The following FRMD3 variants were observed in gnomAD, a reference collection of about 807,000 sequenced individuals.
The protein encoded by FRMD3 is FERM domain containing 3, also known as FERM domain-containing protein 3.
A neutral mutation model predicts 70.2 loss-of-function variants in FRMD3; 33 were observed. That is an observed-to-expected ratio of 0.47 (90% CI 0.36 to 0.63). The LOEUF (loss-of-function observed/expected upper bound fraction) is 0.63. Among genes scored for constraint, FRMD3 ranks in the 20% least tolerant of loss-of-function variants. FRMD3 has a pLI of 0.00. For missense variants in FRMD3, 632 were observed against 711.4 expected (o/e 0.89, Z 1.27); for synonymous variants, 279 against 255.9 (o/e 1.09, Z -0.86).
chr9:83,294,452 G>C (rs567705952), intron 12 of FRMD3, among the ~76,000 whole-genome samples: 7 of 152,268 alleles, frequency 4.6e-5, no homozygotes, highest in Admixed American at 1.3e-4. Context: ...ACTTTTTAAA[G>C]GTGCCAACTG....
At chr9:83,294,015 G>A (rs961559707) in intron 12 of FRMD3, among the ~76,000 whole-genome samples, 1 of 152,134 alleles carries the variant, frequency 6.6e-6, no homozygotes, top group Non-Finnish European at 1.5e-5. Flanking sequence ...AACAGGCCAA[G>A]TCTCCCACCT....
intron 10 of FRMD3, 140 bp from the exon 11 acceptor site, chr9:83,299,326 C>T: frequency 3.4e-6 from 2 of 589,898 alleles, no homozygotes; most frequent in Non-Finnish European, 6.0e-6. Flanking sequence ...ATTGTGCACA[C>T]AAAATATAAG....
At chr9:83,342,655 C>T (rs569056147) in intron 5 of FRMD3, among the ~76,000 whole-genome samples, 20 of 151,308 alleles carry the variant, frequency 1.3e-4, no homozygotes, top group African/African-American at 3.4e-4. Context: ...CATACACACA[C>T]GAATAGATAG....
chr9:83,405,186 C>T (rs1248400651), intron 1 of FRMD3, among the ~76,000 whole-genome samples: 2 of 152,204 alleles, frequency 1.3e-5, no homozygotes, highest in Admixed American at 6.5e-5. Context: ...AGTCCCCTGC[C>T]TCTGCCAACT....
At chr9:83,389,556 G>T in intron 2 of FRMD3, 48 bp downstream of exon 2, 2 of 1,253,682 alleles carry the variant, frequency 1.6e-6, no homozygotes, top group Non-Finnish European at 2.3e-6. Context: ...GTGCACCACA[G>T]TCTGGGTCAC....
At chr9:83,322,545 G>A (rs1328961648) in intron 6 of FRMD3, among the ~76,000 whole-genome samples, 5 of 152,118 alleles carry the variant, frequency 3.3e-5, no homozygotes, top group Non-Finnish European at 7.4e-5. Flanking sequence ...CAGTATCTAG[G>A]CTCTCAAAAT....
intron 13 of FRMD3, among the ~76,000 whole-genome samples, chr9:83,250,488 A>T (rs1832352973): frequency 6.6e-6 from 1 of 152,120 alleles, no homozygotes; most frequent in Non-Finnish European, 1.5e-5. Context: ...GAATCCAGGG[A>T]CCCAGGTAGC....
chr9:83,494,125 T>G (rs1828888916), intron 1 of FRMD3, among the ~76,000 whole-genome samples: 1 of 152,186 alleles, frequency 6.6e-6, no homozygotes, highest in African/African-American at 2.4e-5. Flanking sequence ...GAAATGGGTG[T>G]GACAGTCAGC....
chr9:83,335,662 G>C (rs1823553278), intron 5 of FRMD3, 23 bp from the exon 6 acceptor site: 3 of 1,605,020 alleles, frequency 1.9e-6, no homozygotes, highest in South Asian at 2.2e-5. Flanking sequence ...AAAAAATAAA[G>C]AGACAGAGAA....
intron 1 of FRMD3, among the ~76,000 whole-genome samples, chr9:83,447,062 C>A (rs998851423): frequency 6.6e-6 from 1 of 152,048 alleles, no homozygotes; most frequent in African/African-American, 2.4e-5. Flanking sequence ...CTTGCCTTGT[C>A]ACCCAGGCTG....
chr9:83,247,191 G>T lies in FRMD3; in HGVS notation c.*727C>A. ...TCTACATCCTCCAGTTCCATCCTCT[G>T]TTTTAGCAGCTTACTTACTATAGTG... On this transcript the variant is annotated 3_prime_UTR_variant, in exon 14 of 14. Transcript: ENST00000304195. 1 of 985,250 alleles carries T rather than the reference G, an allele frequency of 1.0e-6. No individual in the cohort carries two copies. The highest frequency in any genetic ancestry group is 6.1e-5 in the Admixed American group (1 of 16,262). The allele number at this position is 985,250 out of a possible 1,614,324, so 61.0% of individuals were successfully genotyped here.
intron 12 of FRMD3, among the ~76,000 whole-genome samples, chr9:83,294,478 A>C (rs1834575723): frequency 6.6e-6 from 1 of 152,218 alleles, no homozygotes; most frequent in African/African-American, 2.4e-5. Context: ...GGCTTCATTT[A>C]AAGCAAGAGC....
chr9:83,263,673 A>G (rs1485726565), intron 13 of FRMD3, among the ~76,000 whole-genome samples: 1 of 152,222 alleles, frequency 6.6e-6, no homozygotes, highest in Non-Finnish European at 1.5e-5. Context: ...TACATAGAAA[A>G]GAGATGAAAA....
At chr9:83,428,437 T>G (rs11140084) in intron 1 of FRMD3, among the ~76,000 whole-genome samples, 1 of 151,626 alleles carries the variant, frequency 6.6e-6, no homozygotes, top group African/African-American at 2.4e-5. Flanking sequence ...CTGGAAACAA[T>G]TCACACATCC....
In FRMD3 at chr9:83,311,882, C is replaced by T; in HGVS notation, c.773+5G>A. 1.1e-5 allele frequency: 18 copies of T among 1,590,260 alleles called. No individual in the cohort carries two copies. Among genetic ancestry groups the T allele is most frequent in the Non-Finnish European group, 1.5e-5 (18 of 1,162,056 alleles). On this transcript the variant is annotated splice_donor_5th_base_variant and intron_variant, in intron 8 of 13. Transcript: ENST00000304195. ...GGAAAGCCAGTTTTCCAAAGAGGCACTTACCATTTTATCAAATGGATTCTC... is the reference window on the plus strand; with the variant it reads ...GGAAAGCCAGTTTTCCAAAGAGGCATTTACCATTTTATCAAATGGATTCTC...
chr9:83,332,608 G>A (rs762531426), intron 6 of FRMD3, among the ~76,000 whole-genome samples: 2 of 152,160 alleles, frequency 1.3e-5, no homozygotes, highest in Non-Finnish European at 1.5e-5. Flanking sequence ...AGAAGGTTGT[G>A]AAACCACCCC....
At chr9:83,570,734 C>T in the FRMD3 span, among the ~76,000 whole-genome samples, 2 of 152,118 alleles carry the variant, frequency 1.3e-5, no homozygotes, top group African/African-American at 4.8e-5. Context: ...ATCTGACTTA[C>T]AAACTGACAG....
chr9:83,401,561 G>A (rs541580959), intron 1 of FRMD3, among the ~76,000 whole-genome samples: 1 of 152,328 alleles, frequency 6.6e-6, no homozygotes, highest in East Asian at 1.9e-4. Context: ...AGGTCAGTGA[G>A]TTAACACCAC....
At chr9:83,254,066 G>A (rs1253094992) in intron 13 of FRMD3, among the ~76,000 whole-genome samples, 1 of 150,012 alleles carries the variant, frequency 6.7e-6, no homozygotes, top group African/African-American at 2.5e-5. Context: ...ATTGAACAAT[G>A]AGAACACTTG....
Sources: allele counts gnomAD v4.1 joint callset (sites outside exome capture counted in the v4.1 genomes callset), GRCh38; gene constraint gnomAD v4.1.1; transcripts MANE v1.5; gene names NCBI Gene and HGNC (gene_info 2026-07-23, HGNC 2026-07-21).